Variants in UBTF observed in about 807,000 individuals in gnomAD.
The protein encoded by UBTF is upstream binding transcription factor, also known as nucleolar transcription factor 1.
Under a neutral mutation model 112.3 loss-of-function variants are expected in UBTF, and 8 were observed. The observed-to-expected ratio is 0.07, with a 90% CI of 0.04 to 0.13. The LOEUF is 0.13. Among genes scored for constraint, UBTF ranks in the 10% least tolerant of loss-of-function variants. The pLI is 1.00. For synonymous variants in UBTF, 417 were observed against 373.1 expected (o/e 1.12, Z -1.36); for missense variants, 457 against 982.1 (o/e 0.47, Z 7.15).
At chr17:44,207,835 C>A (rs201072591) in intron 18 of UBTF, 29 bp downstream of exon 18, 2 of 1,614,020 alleles carry the variant, frequency 1.2e-6, no homozygotes, top group African/African-American at 2.7e-5. Context: ...CCCACCCCTA[C>A]CCCACTGCTG....
Position 44,207,063 on chromosome 17 carries a change from C to A in UBTF, c.*179G>T. ...GCTGATGTCTCTGAGGCTGCAGAGT[C>A]CTGGCCTGGGCTCCTCCAGCCCCCT... is the stretch of plus-strand genomic sequence containing the variant. On this transcript the variant is annotated 3_prime_UTR_variant, in exon 21 of 21. Transcript: ENST00000436088. 1 of 676,726 alleles carries A rather than the reference C, an allele frequency of 1.5e-6. No individual in the cohort carries two copies. The highest frequency in any genetic ancestry group is 2.5e-6 in the Non-Finnish European group (1 of 407,062). The allele number at this position is 676,726 out of a possible 1,614,324, so 41.9% of individuals were successfully genotyped here.
At chr17:44,213,578 T>C (rs942538797) in intron 5 of UBTF, among the ~76,000 whole-genome samples, 1 of 152,238 alleles carries the variant, frequency 6.6e-6, no homozygotes, top group Non-Finnish European at 1.5e-5. Flanking sequence ...GGTCACACAG[T>C]GCGCAGTGGC....
In UBTF at chr17:44,216,252, A is replaced by ACACCTCCGTCAATCTCAGCATGCTAG. The variant is rs1035081770; in HGVS notation, c.234+251_235-264dup. 3.5e-4 allele frequency: 211 copies of ACACCTCCGTCAATCTCAGCATGCTAG among 604,022 alleles called. No individual in the cohort carries two copies. The African/African-American group carries it at 3.6e-3, about 10-fold the overall frequency. The allele number at this position is 604,022 out of a possible 1,614,324, so 37.4% of individuals were successfully genotyped here. On this transcript the variant is annotated intron_variant, in intron 3 of 20. Coordinates refer to ENST00000436088, the MANE Select transcript of UBTF (RefSeq NM_014233.4). ...GACCTCAACCTGGTTGTCCATGCTA[A>ACACCTCCGTCAATCTCAGCATGCTAG]CACCTCCGTCAATCTCAGCATGCTA... is the stretch of plus-strand genomic sequence containing the variant.
At position 44,211,856 on chromosome 17, in the gene UBTF, C is replaced by T; in HGVS notation, c.905+17G>A. 3.1e-6 allele frequency: 5 copies of T among 1,611,424 alleles called. No individual in the cohort carries two copies. Among genetic ancestry groups the T allele is most frequent in the Middle Eastern group, 1.7e-4 (1 of 6,050 alleles). ...CCCAGCTGCCCACTCGCCCACCCAT[C>T]CCAGGGCAGCGCTCACGGAGGTGGC... On this transcript the variant is annotated intron_variant, in intron 9 of 20. Coordinates refer to ENST00000436088, the MANE Select transcript of UBTF (RefSeq NM_014233.4). The surrounding 1 kb of genome is among the most constrained non-coding windows in gnomAD (Gnocchi z 4.9).
In UBTF at chr17:44,211,725, C is replaced by A; in HGVS notation, c.928G>T (p.Ala310Ser). 6.2e-7 allele frequency: 1 copy of A among 1,607,814 alleles called. No homozygotes were observed. The highest frequency in any genetic ancestry group is 8.5e-7 in the Non-Finnish European group (1 of 1,179,830). The change falls in exon 10 of 21, where the codon GCA becomes TCA. Residue 310 changes from alanine to serine, a missense_variant. Ala to Ser is a moderately conservative substitution (Grantham distance 99, BLOSUM62 1). Around this residue, in one of 7 missense-constraint regions of UBTF, gnomAD observed 87 missense variants for 286.6 expected, o/e 0.30. Coordinates refer to ENST00000436088, the MANE Select transcript of UBTF (RefSeq NM_014233.4). The surrounding 1 kb of genome is among the most constrained non-coding windows in gnomAD (Gnocchi z 4.9). ...TCCTTCATGTTGGCCATGAGCTCTG[C>A]GCAGTACAGCGAGTAGCTGTTCCTA... Reference protein sequence around the residue: ...PPPNSYSLYCAELMANMKDVP... With the variant: ...PPPNSYSLYCSELMANMKDVP...
At chr17:44,212,038 T>A (rs1191144895) in intron 8 of UBTF, 32 bp from the exon 9 acceptor site, 2 of 1,400,740 alleles carry the variant, frequency 1.4e-6, no homozygotes, top group Non-Finnish European at 1.9e-6. Flanking sequence ...CGGAGGGCAA[T>A]GGGGTGTGGA....
upstream of UBTF, chr17:44,221,260 G>C (rs1422442864): frequency 1.3e-5 from 2 of 152,228 alleles, no homozygotes; most frequent in Non-Finnish European, 2.9e-5. Context: ...CGGCGAGCGC[G>C]GGTTGAAAGC....
chr17:44,206,920 ACTCTCCGG>A lies in UBTF; in HGVS notation c.*314_*321del. ...AAACTCTTTGGGACCCCCCACCCCC[ACTCTCCGG>A]TCCATTGTCCATGCCGGAACCGCAA... On this transcript the variant is annotated 3_prime_UTR_variant, in exon 21 of 21. Coordinates refer to ENST00000436088, the MANE Select transcript of UBTF (RefSeq NM_014233.4). 1 of 440,300 alleles carries A rather than the reference ACTCTCCGG, an allele frequency of 2.3e-6. No homozygotes were observed. Among genetic ancestry groups the A allele is most frequent in the Non-Finnish European group, 4.0e-6 (1 of 249,576 alleles). 27.3% of individuals were successfully genotyped at this position (440,300 alleles called of 1,614,324 possible).
chr17:44,221,213 C>CG, upstream of UBTF: 1 of 152,328 alleles, frequency 6.6e-6, no homozygotes, highest in Non-Finnish European at 1.5e-5. Context: ...GCGGAGCCGC[C>CG]GGGAGGGCTA....
At chr17:44,216,794 T>C (rs2046864562) in intron 2 of UBTF, 90 bp from the exon 3 acceptor site, 1 of 1,321,056 alleles carries the variant, frequency 7.6e-7, no homozygotes, top group Admixed American at 1.7e-5. Context: ...TCTTCCTCCC[T>C]AGGGCATCCC....
At chr17:44,220,148 AGGCG>A (rs1222572585), upstream of UBTF, among the ~76,000 whole-genome samples, 2 of 130,436 alleles carry the variant, frequency 1.5e-5, no homozygotes, top group African/African-American at 5.9e-5. Flanking sequence ...CTCGGAGCCT[AGGCG>A]GGCGGGCGGG....
At position 44,216,112 on chromosome 17, in the gene UBTF, C is replaced by G. The variant is rs768330908; in HGVS notation, c.235-123G>C. The stretch of plus-strand genomic sequence containing the variant: ...CTAGACTAAATTTACCAAAGAAGAG[C>G]AGAGGCCAACAGCCAAATGAAGCAG... On this transcript the variant is annotated intron_variant, in intron 3 of 20. Transcript: ENST00000436088. The G allele has an allele frequency of 3.2e-4, 247 of 779,170 alleles. 1 individual carries two copies. The highest frequency in any genetic ancestry group is 3.6e-4 in the Non-Finnish European group (172 of 476,768). The allele number at this position is 779,170 out of a possible 1,614,324, so 48.3% of individuals were successfully genotyped here.
chr17:44,209,433 G>A lies in UBTF; in HGVS notation c.1824C>T (p.Ser608=). ...TTTTGTAGTGCTCCTTCTGGCTCTG[G>A]GAGATGCGCTGCCAGCGACTGCCGA... The part of the protein sequence containing the change: ...VEIGSRWQRI[S]QSQKEHYKKL... The change falls in exon 17 of 21, where the codon TCC becomes TCT. Residue 608 remains serine, a synonymous_variant. Transcript: ENST00000436088. 1 of 1,614,148 alleles carries A rather than the reference G, an allele frequency of 6.2e-7. No homozygotes were observed. Among genetic ancestry groups the A allele is most frequent in the Non-Finnish European group, 8.5e-7 (1 of 1,180,000 alleles).
chr17:44,218,990 C>T (rs1258187312), intron 1 of UBTF: 1 of 150,330 alleles, frequency 6.7e-6, no homozygotes, highest in Non-Finnish European at 1.5e-5. Context: ...CGCCACCGCC[C>T]AGCCACCCCG....
intron 7 of UBTF, 79 bp downstream of exon 7, chr17:44,212,740 G>A (rs920720703): frequency 2.0e-5 from 31 of 1,584,188 alleles, no homozygotes; most frequent in Middle Eastern, 2.2e-4. Flanking sequence ...CCCCTGCACC[G>A]TGCCCGGCCG....
At chr17:44,220,532 C>A (rs1324779858), upstream of UBTF, among the ~76,000 whole-genome samples, 1 of 151,468 alleles carries the variant, frequency 6.6e-6, no homozygotes, top group Non-Finnish European at 1.5e-5. Context: ...ACTAAAACCT[C>A]TGCATTAAAA....
intron 13 of UBTF, 32 bp downstream of exon 13, chr17:44,210,759 CT>C (rs2042227021): frequency 1.3e-6 from 2 of 1,552,170 alleles, no homozygotes; most frequent in South Asian, 1.2e-5. Flanking sequence ...GGCAGCCCCC[CT>C]GGGGGCACAG....
Position 44,211,142 on chromosome 17 carries a change from T to A in UBTF, c.1100A>T (p.Glu367Val). 1 of 1,613,158 alleles carries A rather than the reference T, an allele frequency of 6.2e-7. No homozygotes were observed. Among genetic ancestry groups the A allele is most frequent in the Non-Finnish European group, 8.5e-7 (1 of 1,179,982 alleles). Reference sequence around the variant, plus strand: ...CCCCAAGACCCGCTGCTGCTCCTCCTCAGGCAGGCTCTGGACAGGAAAGAG... The same window carrying A: ...CCCCAAGACCCGCTGCTGCTCCTCCACAGGCAGGCTCTGGACAGGAAAGAG... ...ELLRFLESLP[E>V]EEQQRVLGEE... is the part of the protein sequence containing the mutation. The change falls in exon 12 of 21, where the codon GAG becomes GTG. Residue 367 changes from glutamate (E) to valine (V), a missense_variant. Coordinates refer to ENST00000436088, the MANE Select transcript of UBTF (RefSeq NM_014233.4). The surrounding 1 kb of genome is among the most constrained non-coding windows in gnomAD (Gnocchi z 4.9).
At chr17:44,212,704 C>T in intron 7 of UBTF, 115 bp downstream of exon 7, 3 of 1,539,668 alleles carry the variant, frequency 1.9e-6, no homozygotes, top group Admixed American at 3.7e-5. Flanking sequence ...GCAGCCCACC[C>T]CTGGGGAGGG....
Sources: allele counts gnomAD v4.1 joint callset (sites outside exome capture counted in the v4.1 genomes callset), GRCh38; gene constraint gnomAD v4.1.1; regional missense constraint gnomAD v4.1.1; non-coding constraint Gnocchi (gnomAD v3.1); transcripts MANE v1.5; gene names NCBI Gene and HGNC (gene_info 2026-07-23, HGNC 2026-07-21).